The following PCDHA10 variants were observed in gnomAD, a reference collection of about 807,000 sequenced individuals.
PCDHA10 encodes the protein protocadherin alpha 10.
A neutral mutation model predicts 61.2 loss-of-function variants in PCDHA10; 45 were observed. That is an observed-to-expected ratio of 0.74 (90% CI 0.58 to 0.94). The LOEUF is 0.94. Among genes scored for constraint, PCDHA10 ranks in the 40% least tolerant of loss-of-function variants. The pLI, the probability that PCDHA10 is intolerant of heterozygous loss-of-function variation, is 0.00. For synonymous variants in PCDHA10, 602 were observed against 548.8 expected, an observed-to-expected ratio of 1.10 and a Z score of -1.35; for missense variants, 1,278 against 1,236.2, an observed-to-expected ratio of 1.03 and a Z score of -0.51.
chr5:140,962,825 G>A (rs962485906), intron 1 of PCDHA10, among the ~76,000 whole-genome samples: 1 of 152,194 alleles, frequency 6.6e-6, no homozygotes, highest in Non-Finnish European at 1.5e-5. Flanking sequence ...ATGACCATTT[G>A]TCTCTTTTTT....
chr5:140,889,120 T>G (rs1335268200), intron 1 of PCDHA10, among the ~76,000 whole-genome samples: 1 of 151,966 alleles, frequency 6.6e-6, no homozygotes, highest in Non-Finnish European at 1.5e-5. Context: ...CAGGTGATAC[T>G]GATATGTCCT....
intron 1 of PCDHA10, among the ~76,000 whole-genome samples, chr5:140,903,944 A>G (rs1554191212): frequency 6.6e-6 from 1 of 152,192 alleles, no homozygotes; most frequent in African/African-American, 2.4e-5. Context: ...CCTCTTAAAT[A>G]CTGGAAAATT....
intron 1 of PCDHA10, chr5:140,870,081 T>G (rs782572380): frequency 1.2e-6 from 2 of 1,613,698 alleles, no homozygotes. Context: ...ATAAGGGGAC[T>G]CCCCCAATGG....
rs57893927 is a variant in PCDHA10 at position 140,946,631 on chromosome 5, T to TATATATATATATACACAC, written c.2389-32317_2389-32316insTATATATATATACACACA. ...TGTGAAATATATATATATATATATA[T>TATATATATATATACACAC]ACAATGGAATACTCATCAGCCATTA... On this transcript the variant is annotated intron_variant, in intron 1 of 3. Transcript: ENST00000307360. Among the ~76,000 whole-genome samples the TATATATATATATACACAC allele has an allele frequency of 9.9e-5, 13 of 131,856 alleles. 1 individual carries two copies. The East Asian group carries it at 2.7e-3, about 27-fold the overall frequency. 86.5% of individuals were successfully genotyped at this position (131,856 alleles called of 152,430 possible). A position where few individuals can be genotyped will look rare whatever the true frequency, so the allele number is the denominator to read the frequency against.
At chr5:140,986,031 G>A (rs1443664535) in intron 3 of PCDHA10, among the ~76,000 whole-genome samples, 5 of 152,198 alleles carry the variant, frequency 3.3e-5, no homozygotes, top group South Asian at 2.1e-4. Flanking sequence ...GAGCCACTGC[G>A]CCTGGCCTCA....
intron 1 of PCDHA10, among the ~76,000 whole-genome samples, chr5:140,933,279 C>T (rs992723234): frequency 6.6e-6 from 1 of 151,840 alleles, no homozygotes; most frequent in African/African-American, 2.4e-5. Flanking sequence ...TCATTTGGAA[C>T]TTGTTTTGGA....
chr5:140,876,228 T>G (rs1196218506), intron 1 of PCDHA10: 6 of 1,613,958 alleles, frequency 3.7e-6, no homozygotes, highest in Non-Finnish European at 5.1e-6. Flanking sequence ...TAGTGTTGTC[T>G]GAAAATGTCC....
At chr5:140,973,375 C>A (rs2096584404) in intron 1 of PCDHA10, among the ~76,000 whole-genome samples, 1 of 152,182 alleles carries the variant, frequency 6.6e-6, no homozygotes, top group Admixed American at 6.5e-5. Context: ...GCACAATGGT[C>A]AGAATAGACA....
At chr5:140,906,813 A>G (rs1287106484) in intron 1 of PCDHA10, among the ~76,000 whole-genome samples, 4 of 152,042 alleles carry the variant, frequency 2.6e-5, no homozygotes, top group African/African-American at 4.8e-5. Flanking sequence ...CCTTACCTCC[A>G]CTGTGGAGTA....
chr5:140,923,774 G>T (rs1447078559), intron 1 of PCDHA10, among the ~76,000 whole-genome samples: 1 of 152,202 alleles, frequency 6.6e-6, no homozygotes, highest in Non-Finnish European at 1.5e-5. Flanking sequence ...CTACTGGGTG[G>T]ATGGTTTCTT....
chr5:140,958,867 T>A (rs1312043891), intron 1 of PCDHA10, among the ~76,000 whole-genome samples: 1 of 152,146 alleles, frequency 6.6e-6, no homozygotes, highest in Admixed American at 6.5e-5. Context: ...ACTGGGTTTA[T>A]AAAAGAATTG....
In PCDHA10 at chr5:140,946,774, T is replaced by G. The variant is rs57013515; in HGVS notation, c.2389-32175T>G. On this transcript the variant is annotated intron_variant, in intron 1 of 3. Coordinates refer to ENST00000307360, the MANE Select transcript of PCDHA10 (RefSeq NM_018901.4). ...TGCATGATCTCATTCATGTGGAATGTAAAAAAGCTGATCTTATAGAAGCAG... is the reference window on the plus strand; with the variant it reads ...TGCATGATCTCATTCATGTGGAATGGAAAAAAGCTGATCTTATAGAAGCAG... Among the ~76,000 whole-genome samples, 481 of 151,404 alleles carry G rather than the reference T, an allele frequency of 3.2e-3. 2 individuals are homozygous for G. Among genetic ancestry groups the G allele is most frequent in the African/African-American group, 0.011 (462 of 41,264 alleles).
intron 1 of PCDHA10, chr5:140,876,776 T>C: frequency 1.2e-6 from 2 of 1,614,212 alleles, no homozygotes; most frequent in Non-Finnish European, 1.7e-6. Context: ...TCGCCTTCGC[T>C]GTGGGCCACG....
intron 3 of PCDHA10, among the ~76,000 whole-genome samples, chr5:140,997,807 G>A (rs557351308): frequency 4.5e-4 from 68 of 152,118 alleles, no homozygotes; most frequent in African/African-American, 1.5e-3. Context: ...CCAATTTGCT[G>A]TTGGTATCTA....
At chr5:140,997,335 A>G (rs2097768018) in intron 3 of PCDHA10, among the ~76,000 whole-genome samples, 1 of 152,230 alleles carries the variant, frequency 6.6e-6, no homozygotes, top group African/African-American at 2.4e-5. Context: ...TTCGTTGTAC[A>G]AATATCATAG....
At chr5:140,992,949 T>G (rs1554253294) in intron 3 of PCDHA10, among the ~76,000 whole-genome samples, 1 of 152,162 alleles carries the variant, frequency 6.6e-6, no homozygotes, top group Admixed American at 6.5e-5. Context: ...GGAGATTAAA[T>G]CACCCCTTAT....
chr5:140,868,248 T>C (rs1554161850), intron 1 of PCDHA10: 1 of 152,160 alleles, frequency 6.6e-6, no homozygotes, highest in East Asian at 1.9e-4. Context: ...CAATAGACTT[T>C]TCCTTTGTGG....
intron 1 of PCDHA10, among the ~76,000 whole-genome samples, chr5:140,924,907 A>T (rs538089373): frequency 0.035 from 1,776 of 50,942 alleles, 16 homozygotes; most frequent in Non-Finnish European, 0.042. Context: ...AAAAAAAAAT[A>T]AAATAAAATA....
rs202032784 is a variant in PCDHA10, at chr5:140,927,180, C to T, written c.2389-51769C>T. On this transcript the variant is annotated intron_variant, in intron 1 of 3. Coordinates refer to ENST00000307360, the MANE Select transcript of PCDHA10 (RefSeq NM_018901.4). ...GGGCCAAAGCTGCCTGCGTCTTGAC[C>T]TACGACCTGGTGCTCGAGGACCCGC... is the stretch of plus-strand genomic sequence containing the variant. 5 of 1,614,048 alleles carry T rather than the reference C, an allele frequency of 3.1e-6. No homozygotes were observed. The South Asian group carries it at 3.3e-5, about 11-fold the overall frequency.
Sources: gnomAD v4.1 joint callset for allele counts (sites outside exome capture counted in the v4.1 genomes callset) on GRCh38, gnomAD v4.1.1 for gene constraint, MANE v1.5 for transcripts, NCBI Gene and HGNC (gene_info 2026-07-23, HGNC 2026-07-21) for gene names.